The following CATSPER1 variants were observed in gnomAD, a reference collection of about 807,000 sequenced individuals.
The protein encoded by CATSPER1 is cation channel sperm associated 1.
In CATSPER1, 57 loss-of-function variants were observed where a neutral mutation model predicts 72.7. The ratio of observed to expected loss-of-function variants is 0.78; its 90% CI spans 0.63 to 0.98. CATSPER1 has a LOEUF of 0.98. Ranked by LOEUF, CATSPER1 falls within the 50% of genes least tolerant of loss-of-function variation. CATSPER1 has a pLI of 0.00. For synonymous variants in CATSPER1, 363 were observed against 403.0 expected (o/e 0.90, Z 1.19); for missense variants, 910 against 1,033.9 (o/e 0.88, Z 1.64).
chr11:66,025,554 C>T lies in CATSPER1; in HGVS notation c.826G>A (p.Glu276Lys). The change falls in exon 1 of 12, where the codon GAG (glutamate) becomes AAG (lysine). Residue 276 changes from glutamate (E) to lysine (K), a missense_variant. By Grantham distance (56) the Glu-to-Lys change is moderately conservative. Transcript: ENST00000312106. ...TGGGGATGGTCGCCATGGTGGTACTCACTGGGGTGGTGATCACCTTGGTGG... is the reference window on the plus strand; with the variant it reads ...TGGGGATGGTCGCCATGGTGGTACTTACTGGGGTGGTGATCACCTTGGTGG... ...EYHQGDHHPSEYHHGDHPHHT... is the reference protein window; with the variant it reads ...EYHQGDHHPSKYHHGDHPHHT... 1 of 1,601,902 alleles carries T rather than the reference C, an allele frequency of 6.2e-7. No individual in the cohort carries two copies. Among genetic ancestry groups the T allele is most frequent in the Non-Finnish European group, 8.5e-7 (1 of 1,174,464 alleles).
chr11:66,018,695 G>A, intron 10 of CATSPER1, 132 bp downstream of exon 10: 4 of 970,344 alleles, frequency 4.1e-6, no homozygotes, highest in Non-Finnish European at 3.2e-6. Context: ...GCACCCACAG[G>A]CTCATCCACA....
Position 66,020,305 on chromosome 11 carries a change from C to T in CATSPER1, c.2064+12G>A. On this transcript the variant is annotated intron_variant, in intron 8 of 11. Transcript: ENST00000312106. This position sits in a 1 kb window ranked among gnomAD's most constrained non-coding sequence, Gnocchi z 4.5. ...TCCTGATCTGGTCCACCTGTCCCAC[C>T]CCACTCGGTACCTCCTGCTTCGCTT... The T allele has an allele frequency of 6.2e-7, 1 of 1,614,186 alleles. No individual in the cohort carries two copies. The highest frequency in any genetic ancestry group is 1.3e-5 in the African/African-American group (1 of 75,066).
chr11:66,025,834 A>G lies in CATSPER1; in HGVS notation c.546T>C (p.His182=), dbSNP rs752133302. ...AGGACTCACTGTAGGGATTGGGTCC[A>G]TGGGGGAGGTAGGACCCACCATGGT... ...ASHHGGSYLP[H]GPNPYSESFH... The change falls in exon 1 of 12, where the codon CAT becomes CAC. Residue 182 remains histidine (H), a synonymous_variant. Coordinates refer to ENST00000312106, the MANE Select transcript of CATSPER1 (RefSeq NM_053054.4). 17 of 1,612,354 alleles carry G rather than the reference A, an allele frequency of 1.1e-5. No homozygotes were observed. Among genetic ancestry groups the G allele is most frequent in the South Asian group, 4.4e-5 (4 of 90,970 alleles).
Position 66,025,909 on chromosome 11 carries a change from C to A in CATSPER1, c.471G>T (p.Glu157Asp). 2 of 1,612,732 alleles carry A rather than the reference C, an allele frequency of 1.2e-6. No individual in the cohort carries two copies. Among genetic ancestry groups the A allele is most frequent in the Non-Finnish European group, 1.7e-6 (2 of 1,179,666 alleles). ...CGCCAGAGGAATAGTGGGATAAATT[C>A]TCACCGAGATATTGGGGTCTGCCAT... ...SHHGRPQYLG[E>D]NLSHYSSGVP... The change falls in exon 1 of 12, where the codon GAG becomes GAT. Residue 157 changes from glutamate to aspartate, a missense_variant. Physicochemically the swap from Glu to Asp is conservative, Grantham distance 45 (BLOSUM62 2). Transcript: ENST00000312106.
At chr11:66,021,360 G>A (rs1441522270) in intron 4 of CATSPER1, 136 bp downstream of exon 4, 4 of 1,271,240 alleles carry the variant, frequency 3.1e-6, no homozygotes, top group Non-Finnish European at 2.2e-6. Context: ...ATGACAGAAG[G>A]CAGAAGCAGG....
chr11:66,017,072 G>A lies in CATSPER1; in HGVS notation c.2304C>T (p.Asp768=). 1 of 1,613,840 alleles carries A rather than the reference G, an allele frequency of 6.2e-7. No homozygotes were observed. Among genetic ancestry groups the A allele is most frequent in the Non-Finnish European group, 8.5e-7 (1 of 1,179,920 alleles). The part of the protein sequence containing the change: ...SQAAVIDEIV[D]TTFEAGEEDF... ...CTGCCTGGTTCACCTCAAATGTGGT[G>A]TCCACAATCTCATCGATGACGGCTG... Residue 768 remains aspartate (D), a synonymous_variant, in exon 11 of 12, where the codon GAC becomes GAT. Coordinates refer to ENST00000312106, the MANE Select transcript of CATSPER1 (RefSeq NM_053054.4).
At chr11:66,022,280 C>A (rs932509027) in intron 2 of CATSPER1, among the ~76,000 whole-genome samples, 8 of 152,190 alleles carry the variant, frequency 5.3e-5, no homozygotes, top group Non-Finnish European at 8.8e-5. Flanking sequence ...GCGGAGGTTG[C>A]AGTGAGATCG....
intron 4 of CATSPER1, 21 bp downstream of exon 4, chr11:66,021,475 G>A (rs1856368046): frequency 6.2e-7 from 1 of 1,611,258 alleles, no homozygotes; most frequent in Admixed American, 1.7e-5. Context: ...CCCACCCCAG[G>A]TGGGAGCCGT....
chr11:66,023,199 T>C (rs1856414811), intron 1 of CATSPER1, 138 bp from the exon 2 acceptor site: 8 of 891,066 alleles, frequency 9.0e-6, no homozygotes, highest in Non-Finnish European at 1.3e-5. Context: ...AAGCAACTCT[T>C]GTGCCTCAGC....
At position 66,020,662 on chromosome 11, in the gene CATSPER1, G is replaced by A. The variant is rs1359330812; in HGVS notation, c.1928-35C>T. On this transcript the variant is annotated intron_variant, in intron 6 of 11. Coordinates refer to ENST00000312106, the MANE Select transcript of CATSPER1 (RefSeq NM_053054.4). The surrounding 1 kb of genome is among the most constrained non-coding windows in gnomAD (Gnocchi z 4.5). ...GCAGGCCAGAGGGCACAGTCAGGCT[G>A]TGCTCGCCACCCCCAACCACGACCT... 1.2e-6 allele frequency: 2 copies of A among 1,603,350 alleles called. No homozygotes were observed. The highest frequency in any genetic ancestry group is 1.7e-4 in the Middle Eastern group (1 of 6,050).
In CATSPER1 at chr11:66,017,194, T is replaced by TGGGGGGGGGGGGGGGGGGGGGGGGGCCA; in HGVS notation, c.2202-21_2202-20insTGGCCCCCCCCCCCCCCCCCCCCCCCCC. 3.6e-6 allele frequency: 2 copies of TGGGGGGGGGGGGGGGGGGGGGGGGGCCA among 550,252 alleles called. No homozygotes were observed. The highest frequency in any genetic ancestry group is 6.8e-6 in the Non-Finnish European group (2 of 295,834). 34.1% of individuals were successfully genotyped at this position (550,252 alleles called of 1,614,324 possible). On this transcript the variant is annotated intron_variant, in intron 10 of 11. Transcript: ENST00000312106. The stretch of plus-strand genomic sequence containing the variant: ...TGCTGCCTGCGGGTGGGCGGGGGGG[T>TGGGGGGGGGGGGGGGGGGGGGGGGGCCA]CGCAGAGACAGGGGCTGGGCTGACC...
Position 66,020,129 on chromosome 11 carries a change from C to T in CATSPER1, c.2125+11G>A, listed in dbSNP as rs1856323818. The T allele has an allele frequency of 6.2e-7, 1 of 1,613,012 alleles. No homozygotes were observed. Among genetic ancestry groups the T allele is most frequent in the Non-Finnish European group, 8.5e-7 (1 of 1,180,000 alleles). ...ACGGGCAGGTGGGGCCAGGGCGGGC[C>T]AGGCCCATACCTGCAGCTCTGAGCT... On this transcript the variant is annotated intron_variant, in intron 9 of 11. Transcript: ENST00000312106. The surrounding 1 kb of genome is among the most constrained non-coding windows in gnomAD (Gnocchi z 4.5).
chr11:66,021,048 C>T (rs548838338), intron 5 of CATSPER1, 46 bp downstream of exon 5: 20 of 1,600,960 alleles, frequency 1.2e-5, no homozygotes, highest in Admixed American at 6.8e-5. Context: ...CCCCTTTCAC[C>T]GCAGCCCCTC....
Position 66,023,060 on chromosome 11 carries a change from G to C in CATSPER1, c.1218C>G (p.Thr406=), listed in dbSNP as rs761360207. ...KEEGQFQKRK[T]GRLQRTRKKG... The stretch of plus-strand genomic sequence containing the variant: ...TCTTGCGGGTCCGCTGGAGCCGGCC[G>C]GCTGAAAGGAACAGGGCCAGAAAGT... The change falls in exon 2 of 12, where the codon ACC becomes ACG. Residue 406 remains threonine, a splice_region_variant and synonymous_variant. Coordinates refer to ENST00000312106, the MANE Select transcript of CATSPER1 (RefSeq NM_053054.4). 2 of 1,613,730 alleles carry C rather than the reference G, an allele frequency of 1.2e-6. No homozygotes were observed. The highest frequency in any genetic ancestry group is 1.7e-6 in the Non-Finnish European group (2 of 1,179,798).
chr11:66,024,278 T>G (rs987810167), intron 1 of CATSPER1, among the ~76,000 whole-genome samples: 2 of 132,884 alleles, frequency 1.5e-5, no homozygotes, highest in South Asian at 2.1e-4. Flanking sequence ...TTTGTTTTTT[T>G]TTTTTTTTTT....
At position 66,026,235 on chromosome 11, in the gene CATSPER1, C is replaced by G. The variant is rs149821768; in HGVS notation, c.145G>C (p.Gly49Arg). 6.2e-7 allele frequency: 1 copy of G among 1,613,416 alleles called. No individual in the cohort carries two copies. The highest frequency in any genetic ancestry group is 8.5e-7 in the Non-Finnish European group (1 of 1,179,386). Residue 49 changes from glycine to arginine, a missense_variant, in exon 1 of 12, where the codon GGC becomes CGC. Gly to Arg is a moderately radical substitution (Grantham distance 125). Coordinates refer to ENST00000312106, the MANE Select transcript of CATSPER1 (RefSeq NM_053054.4). ...ALHHYELHHH[G>R]VPHQRGESHH... ...GATTCACCACGTTGGTGGGGCACGC[C>G]GTGATGGTGCAACTCGTAATGGTGG...
Position 66,021,135 on chromosome 11 carries a change from G to C in CATSPER1, c.1742C>G (p.Pro581Arg), listed in dbSNP as rs759927634. The C allele has an allele frequency of 1.9e-6, 3 of 1,613,388 alleles. No individual in the cohort carries two copies. Among genetic ancestry groups the C allele is most frequent in the Non-Finnish European group, 2.5e-6 (3 of 1,179,772 alleles). ...GAGGATGAGGATGGCTGCGATGGACGGCAAGGACTGGCCCAGGGTCCCTGT... is the reference window on the plus strand; with the variant it reads ...GAGGATGAGGATGGCTGCGATGGACCGCAAGGACTGGCCCAGGGTCCCTGT... ...EVTGTLGQSL[P>R]SIAAILILMF... Residue 581 changes from proline (P) to arginine (R), a missense_variant, in exon 5 of 12, where the codon CCG becomes CGG. Coordinates refer to ENST00000312106, the MANE Select transcript of CATSPER1 (RefSeq NM_053054.4).
Position 66,026,109 on chromosome 11 carries a change from G to C in CATSPER1, c.271C>G (p.His91Asp), listed in dbSNP as rs747613591. The C allele has an allele frequency of 2.6e-5, 42 of 1,610,040 alleles. No individual in the cohort carries two copies. In the East Asian group the frequency reaches 9.2e-4, roughly 35 times the overall value. Residue 91 changes from histidine (H) to aspartate (D), a missense_variant, in exon 1 of 12, where the codon CAT becomes GAT. Transcript: ENST00000312106. ...GCCAGACCAAAGCCTGTGGGGCCATGGGCTCTGCCGTGATTCCGTGCCTCG... is the reference window on the plus strand; with the variant it reads ...GCCAGACCAAAGCCTGTGGGGCCATCGGCTCTGCCGTGATTCCGTGCCTCG... ...HSEARNHGRA[H>D]GPTGFGLAPS...
chr11:66,021,240 C>T, intron 4 of CATSPER1, 55 bp from the exon 5 acceptor site: 1 of 1,533,628 alleles, frequency 6.5e-7, no homozygotes, highest in Non-Finnish European at 8.9e-7. Context: ...GGGTGTGTGT[C>T]TCTGCCCAGC....
Sources: allele counts gnomAD v4.1 joint callset (sites outside exome capture counted in the v4.1 genomes callset), GRCh38; gene constraint gnomAD v4.1.1; non-coding constraint Gnocchi (gnomAD v3.1); transcripts MANE v1.5; gene names NCBI Gene and HGNC (gene_info 2026-07-23, HGNC 2026-07-21).